Variants in TNFRSF19 observed in about 807,000 individuals in gnomAD.
The protein encoded by TNFRSF19 is TNF receptor superfamily member 19.
In TNFRSF19, 27 loss-of-function variants were observed where a neutral mutation model predicts 46.4. The ratio of observed to expected loss-of-function variants is 0.58; its 90% CI spans 0.43 to 0.80. The LOEUF (loss-of-function observed/expected upper bound fraction) is 0.80. TNFRSF19 is among the 30% of genes least tolerant of loss of function. The pLI is 0.00. For synonymous variants in TNFRSF19, 204 were observed against 205.0 expected (o/e 1.00, Z 0.04); for missense variants, 511 against 530.8 (o/e 0.96, Z 0.37).
chr13:23,596,842 A>G lies in TNFRSF19; in HGVS notation c.180+3387A>G, dbSNP rs934608633. Among the ~76,000 whole-genome samples, 7 of 152,330 alleles carry G rather than the reference A, an allele frequency of 4.6e-5. No individual in the cohort carries two copies. The East Asian group carries it at 7.7e-4, about 17-fold the overall frequency. On this transcript the variant is annotated intron_variant, in intron 3 of 9. Coordinates refer to ENST00000248484, the MANE Select transcript of TNFRSF19 (RefSeq NM_148957.4). ...TCGCACTTACTCTAAAATTGACCAC[A>G]TATTTGGAAGTAAAATGCTCCTCAG...
At chr13:23,627,922 G>A (rs1219328288) in intron 5 of TNFRSF19, among the ~76,000 whole-genome samples, 1 of 152,162 alleles carries the variant, frequency 6.6e-6, no homozygotes, top group Non-Finnish European at 1.5e-5. Context: ...AAAAGCAAAA[G>A]AAGTTGTAAG....
intron 4 of TNFRSF19, among the ~76,000 whole-genome samples, chr13:23,618,654 A>ACCTGT (rs1331556035): frequency 6.6e-6 from 1 of 152,122 alleles, no homozygotes; most frequent in Non-Finnish European, 1.5e-5. Flanking sequence ...TGACAGTTTG[A>ACCTGT]CTCTTAGGTA....
At chr13:23,638,265 C>T (rs546352846) in intron 5 of TNFRSF19, among the ~76,000 whole-genome samples, 1 of 105,446 alleles carries the variant, frequency 9.5e-6, no homozygotes, top group South Asian at 2.6e-4. Context: ...AATCTGCTGC[C>T]ATTGTGCAGC....
At chr13:23,578,897 C>G (rs1292124906) in intron 1 of TNFRSF19, among the ~76,000 whole-genome samples, 10 of 152,192 alleles carry the variant, frequency 6.6e-5, no homozygotes, top group Admixed American at 6.5e-4. Context: ...GGGAGGCGTC[C>G]GTGGGAACGC....
chr13:23,605,909 C>G (rs1190568700), intron 3 of TNFRSF19, among the ~76,000 whole-genome samples: 1 of 152,020 alleles, frequency 6.6e-6, no homozygotes, highest in Non-Finnish European at 1.5e-5. Context: ...TGTTCAAACT[C>G]ACAGAATATA....
chr13:23,579,400 G>C (rs1401859024), intron 1 of TNFRSF19: 1 of 150,804 alleles, frequency 6.6e-6, no homozygotes, highest in Non-Finnish European at 1.5e-5. Flanking sequence ...TGCGCTGGGA[G>C]GTGCACGGTG....
In TNFRSF19 at chr13:23,659,125, T is replaced by A. The variant is rs772823173; in HGVS notation, c.521T>A (p.Ile174Asn). Residue 174 changes from isoleucine (I) to asparagine (N), a missense_variant, in exon 6 of 10, where the codon ATC becomes AAC. Ile to Asn is a moderately radical substitution (Grantham distance 149). This residue lies in a region of TNFRSF19 where 376 missense variants were observed against 372.7 expected (regional missense o/e 1.01). Coordinates refer to ENST00000248484, the MANE Select transcript of TNFRSF19 (RefSeq NM_148957.4). This position sits in a 1 kb window ranked among gnomAD's most constrained non-coding sequence, Gnocchi z 4.9. Reference protein sequence around the residue: ...SPRDTALAAVICSALATVLLA... With the variant: ...SPRDTALAAVNCSALATVLLA... ...CGGGACACGGCGCTGGCTGCCGTTA[T>A]CTGCAGCGCTCTGGCCACCGTCCTG... 1 of 1,614,102 alleles carries A rather than the reference T, an allele frequency of 6.2e-7. No homozygotes were observed. Among genetic ancestry groups the A allele is most frequent in the Non-Finnish European group, 8.5e-7 (1 of 1,180,044 alleles).
chr13:23,637,732 A>G (rs1405311094), intron 5 of TNFRSF19, among the ~76,000 whole-genome samples: 2 of 152,258 alleles, frequency 1.3e-5, no homozygotes, highest in African/African-American at 4.8e-5. Context: ...TTCACAGATT[A>G]CTTCTTCAAA....
chr13:23,615,147 C>T (rs1019167888), intron 3 of TNFRSF19, among the ~76,000 whole-genome samples: 1 of 152,184 alleles, frequency 6.6e-6, no homozygotes, highest in Admixed American at 6.5e-5. Flanking sequence ...AATTATGTTA[C>T]ATGATATGCT....
At chr13:23,595,681 A>G (rs138941362) in intron 3 of TNFRSF19, among the ~76,000 whole-genome samples, 12,019 of 152,256 alleles carry the variant, frequency 0.079, 479 homozygotes, top group Middle Eastern at 0.11. Flanking sequence ...GTTGGAAAAC[A>G]CTCTTCAGGA....
At chr13:23,669,287 T>C (rs937216856) in intron 9 of TNFRSF19, 190 bp downstream of exon 9, 25 of 1,408,982 alleles carry the variant, frequency 1.8e-5, no homozygotes, top group South Asian at 1.4e-4. Context: ...ACAGCTAATA[T>C]ATAAGAGCAA....
At position 23,670,659 on chromosome 13, in the gene TNFRSF19, A is replaced by G. The variant is rs145180812; in HGVS notation, c.1245+1562A>G. Among the ~76,000 whole-genome samples the G allele has an allele frequency of 1.5e-3, 222 of 152,338 alleles. 1 individual carries two copies. The East Asian group carries it at 0.017, about 12-fold the overall frequency. On this transcript the variant is annotated intron_variant, in intron 9 of 9. Transcript: ENST00000248484. ...TCAAGAATGGACTGTGCCCCACACAACGTAGGAACTGAGAGGCCCCAGCAG... is the reference window on the plus strand; with the variant it reads ...TCAAGAATGGACTGTGCCCCACACAGCGTAGGAACTGAGAGGCCCCAGCAG...
At chr13:23,592,510 T>C (rs1158333168) in intron 2 of TNFRSF19, among the ~76,000 whole-genome samples, 1 of 152,182 alleles carries the variant, frequency 6.6e-6, no homozygotes, top group Non-Finnish European at 1.5e-5. Context: ...ATAACCTCTG[T>C]TTTTGCCTAA....
At position 23,570,782 on chromosome 13, in the gene TNFRSF19, ACATTTTTGG is replaced by A. The variant is rs1877590827; in HGVS notation, c.-100_-92del. On this transcript the variant is annotated 5_prime_UTR_variant, in exon 1 of 10. Transcript: ENST00000248484. Reference sequence around the variant, plus strand: ...GTTTCGTCTGGGCTTGTGCTGACATACATTTTTGGGAAGGTAGAAGCATTTGGCACAGAA... The same window carrying A: ...GTTTCGTCTGGGCTTGTGCTGACATAGAAGGTAGAAGCATTTGGCACAGAA... The A allele has an allele frequency of 6.6e-6, 1 of 152,302 alleles. No individual in the cohort carries two copies. Among genetic ancestry groups the A allele is most frequent in the South Asian group, 2.1e-4 (1 of 4,822 alleles). 9.4% of individuals were successfully genotyped at this position (152,302 alleles called of 1,614,324 possible).
At chr13:23,614,366 C>A (rs550266510) in intron 3 of TNFRSF19, among the ~76,000 whole-genome samples, 1 of 152,198 alleles carries the variant, frequency 6.6e-6, no homozygotes, top group African/African-American at 2.4e-5. Flanking sequence ...CAGCACTATC[C>A]TTCAAGTTGG....
chr13:23,617,983 A>G (rs1431661671), intron 4 of TNFRSF19, among the ~76,000 whole-genome samples: 1 of 152,152 alleles, frequency 6.6e-6, no homozygotes, highest in Non-Finnish European at 1.5e-5. Context: ...GAGGCCAGAG[A>G]GGAGATAAAG....
intron 9 of TNFRSF19, among the ~76,000 whole-genome samples, chr13:23,671,773 C>G (rs1318428770): frequency 6.6e-6 from 1 of 152,188 alleles, no homozygotes; most frequent in Admixed American, 6.5e-5. Context: ...ATGACTTGAG[C>G]CCAGGAGTTT....
chr13:23,668,642 GT>G, intron 8 of TNFRSF19, 49 bp from the exon 9 acceptor site: 1 of 1,549,568 alleles, frequency 6.5e-7, no homozygotes, highest in African/African-American at 1.4e-5. Context: ...CTTTGTAGTA[GT>G]GTTTTTCTCC....
rs940967017 is a variant in TNFRSF19, at chr13:23,659,461, A to G, written c.610+247A>G. ...TAGCCTATTGTTGACGGGAAGCCTTACTGATAAACAGTTGGTTAATACATC... is the reference window on the plus strand; with the variant it reads ...TAGCCTATTGTTGACGGGAAGCCTTGCTGATAAACAGTTGGTTAATACATC... On this transcript the variant is annotated intron_variant, in intron 6 of 9. Coordinates refer to ENST00000248484, the MANE Select transcript of TNFRSF19 (RefSeq NM_148957.4). This position sits in a 1 kb window ranked among gnomAD's most constrained non-coding sequence, Gnocchi z 4.9. 6.6e-6 allele frequency among the ~76,000 whole-genome samples: 1 copy of G among 152,152 alleles called. No homozygotes were observed. The highest frequency in any genetic ancestry group is 2.4e-5 in the African/African-American group (1 of 41,450).
Sources: gnomAD v4.1 joint callset for allele counts (sites outside exome capture counted in the v4.1 genomes callset) on GRCh38, gnomAD v4.1.1 for gene constraint, gnomAD v4.1.1 regional missense constraint, Gnocchi (gnomAD v3.1) non-coding constraint, MANE v1.5 for transcripts, NCBI Gene and HGNC (gene_info 2026-07-23, HGNC 2026-07-21) for gene names.